The following SPTAN1 variants were observed in gnomAD, a reference collection of about 807,000 sequenced individuals.
The protein encoded by SPTAN1 is spectrin alpha chain, non-erythrocytic 1.
Under a neutral mutation model 331.3 loss-of-function variants are expected in SPTAN1, and 61 were observed. That is an observed-to-expected ratio of 0.18 (90% CI 0.15 to 0.23). The LOEUF is 0.23. SPTAN1 is among the 10% of genes least tolerant of loss of function. The probability of loss-of-function intolerance (pLI) is 1.00; values close to 1 mark genes in which losing one functional copy is unlikely to be tolerated. For missense variants in SPTAN1, 2,043 were observed against 3,147.9 expected (o/e 0.65, Z 8.40); for synonymous variants, 1,153 against 1,173.9 (o/e 0.98, Z 0.36).
At chr9:128,594,476 G>A (rs1363398192) in intron 24 of SPTAN1, 103 bp downstream of exon 24, 5 of 1,134,142 alleles carry the variant, frequency 4.4e-6, no homozygotes, top group Middle Eastern at 3.0e-4. Flanking sequence ...TGTCATCCAA[G>A]CTGGAGTGCA....
At chr9:128,555,810 C>T (rs951932943) in intron 1 of SPTAN1, among the ~76,000 whole-genome samples, 8 of 152,054 alleles carry the variant, frequency 5.3e-5, no homozygotes, top group African/African-American at 1.9e-4. Flanking sequence ...TCTGAAAATA[C>T]ATAGTAAAAA....
intron 3 of SPTAN1, among the ~76,000 whole-genome samples, chr9:128,573,362 T>A (rs372827106): frequency 6.6e-6 from 1 of 152,252 alleles, no homozygotes; most frequent in Admixed American, 6.5e-5. Context: ...TCACTTGAGA[T>A]GTACCACAAA....
Position 128,627,684 on chromosome 9 carries a change from C to T in SPTAN1, c.6689+186C>T. On this transcript the variant is annotated intron_variant, in intron 50 of 56. Transcript: ENST00000372739. The surrounding 1 kb of genome is among the most constrained non-coding windows in gnomAD (Gnocchi z 4.9). The stretch of plus-strand genomic sequence containing the variant: ...AGTGGGGGCATAGGTGGAGCAGCCT[C>T]TCAGTGCTGCATGTCCCAGACATCA... The T allele has an allele frequency of 1.3e-6, 1 of 780,100 alleles. No individual in the cohort carries two copies. Among genetic ancestry groups the T allele is most frequent in the Non-Finnish European group, 2.2e-6 (1 of 449,022 alleles). 48.3% of individuals were successfully genotyped at this position (780,100 alleles called of 1,614,324 possible).
rs1320924027 is a variant in SPTAN1 at position 128,625,284 on chromosome 9, A to T, written c.6069+105A>T. 7.6e-6 allele frequency: 9 copies of T among 1,184,216 alleles called. No individual in the cohort carries two copies. The highest frequency in any genetic ancestry group is 1.1e-5 in the Non-Finnish European group (9 of 807,868). The allele number at this position is 1,184,216 out of a possible 1,614,324, so 73.4% of individuals were successfully genotyped here. A position where few individuals can be genotyped will look rare whatever the true frequency, so the allele number is the denominator to read the frequency against. On this transcript the variant is annotated intron_variant, in intron 47 of 56. Transcript: ENST00000372739. This position sits in a 1 kb window ranked among gnomAD's most constrained non-coding sequence, Gnocchi z 4.1. ...ATTTATCTTCTGTTAGCCCCTGGGG[A>T]TCAGCAGGAAAAAGATCCTGTCCTG...
In SPTAN1 at chr9:128,573,194, G is replaced by A. The variant is rs188273512; in HGVS notation, c.364-1481G>A. Among the ~76,000 whole-genome samples, 14 of 152,308 alleles carry A rather than the reference G, an allele frequency of 9.2e-5. No homozygotes were observed. In the East Asian group the frequency reaches 1.9e-3, roughly 21 times the overall value. ...ATAATCAAGGCATTGAGGTTGGATTGGAATACCAGAATGCATCATCTAAGC... is the reference window on the plus strand; with the variant it reads ...ATAATCAAGGCATTGAGGTTGGATTAGAATACCAGAATGCATCATCTAAGC... On this transcript the variant is annotated intron_variant, in intron 3 of 56. Coordinates refer to ENST00000372739, the MANE Select transcript of SPTAN1 (RefSeq NM_001130438.3).
rs774089510 is a variant in SPTAN1 at position 128,594,343 on chromosome 9, G to A, written c.3384G>A (p.Val1128=). 3.4e-5 allele frequency: 55 copies of A among 1,613,670 alleles called. No individual in the cohort carries two copies. The East Asian group carries it at 1.2e-3, about 35-fold the overall frequency. Residue 1128 remains valine (V), a synonymous_variant, in exon 24 of 57, where the codon GTG becomes GTA. Coordinates refer to ENST00000372739, the MANE Select transcript of SPTAN1 (RefSeq NM_001130438.3). Reference sequence around the variant, plus strand: ...GAGCAGACTTGGAGCAGGTTGAGGTGCTCCAGAAGAAGTTTGATGACTTCC... The same window carrying A: ...GAGCAGACTTGGAGCAGGTTGAGGTACTCCAGAAGAAGTTTGATGACTTCC... ...EVGADLEQVE[V]LQKKFDDFQK... is the part of the protein sequence containing the mutation.
Position 128,627,186 on chromosome 9 carries a change from TC to T in SPTAN1, c.6577-198del, listed in dbSNP as rs1459923525. 1.5e-6 allele frequency: 1 copy of T among 648,734 alleles called. No homozygotes were observed. Among genetic ancestry groups the T allele is most frequent in the Admixed American group, 2.1e-5 (1 of 46,796 alleles). 40.2% of individuals were successfully genotyped at this position (648,734 alleles called of 1,614,324 possible). On this transcript the variant is annotated intron_variant, in intron 49 of 56. Transcript: ENST00000372739. The surrounding 1 kb of genome is among the most constrained non-coding windows in gnomAD (Gnocchi z 4.9). ...GTCGCTTCCCTCCAGGTCCGCCTCT[TC>T]CTTGAAGCCCCTGGGGGGTGGGAAC...
Position 128,630,354 on chromosome 9 carries a change from A to G in SPTAN1, c.6741A>G (p.Glu2247=). Residue 2247 remains glutamate (E), a synonymous_variant, in exon 52 of 57, where the codon GAA becomes GAG. Coordinates refer to ENST00000372739, the MANE Select transcript of SPTAN1 (RefSeq NM_001130438.3). Reference sequence around the variant, plus strand: ...TGGTGGAAGAGTCGGGGACCCTCGAATCCCAGCTTGAAGCTACCAAAGTAA... The same window carrying G: ...TGGTGGAAGAGTCGGGGACCCTCGAGTCCCAGCTTGAAGCTACCAAAGTAA... ...SCMVEESGTL[E]SQLEATKRKH... The G allele has an allele frequency of 6.2e-7, 1 of 1,612,528 alleles. No homozygotes were observed. The highest frequency in any genetic ancestry group is 8.5e-7 in the Non-Finnish European group (1 of 1,179,976).
intron 6 of SPTAN1, 31 bp downstream of exon 6, chr9:128,576,987 G>A (rs1428966339): frequency 6.2e-7 from 1 of 1,614,030 alleles, no homozygotes; most frequent in Admixed American, 1.7e-5. Context: ...TTGGGGAATG[G>A]GTCTCAACCT....
chr9:128,613,197 GGA>G (rs1390828160), intron 39 of SPTAN1, among the ~76,000 whole-genome samples, 182 bp from the exon 40 acceptor site: 1 of 152,186 alleles, frequency 6.6e-6, no homozygotes, highest in Non-Finnish European at 1.5e-5. Context: ...CTGACCGAGT[GGA>G]GAGAGTGTCT....
intron 2 of SPTAN1, 55 bp from the exon 3 acceptor site, chr9:128,568,717 A>G (rs1237174989): frequency 8.7e-6 from 14 of 1,610,820 alleles, no homozygotes; most frequent in Non-Finnish European, 1.2e-5. Context: ...CAGCGGGGAC[A>G]AAATGCTGAT....
rs536079066 is a variant in SPTAN1, at chr9:128,632,089, G to A, written c.6763-38G>A. 14 of 1,605,284 alleles carry A rather than the reference G, an allele frequency of 8.7e-6. No homozygotes were observed. In the South Asian group the frequency reaches 1.6e-4, roughly 18 times the overall value. Reference sequence around the variant, plus strand: ...CTCCTGGGCTGGTGACTGAGCTGAGGGCCCCCGTCTGAGCATCTGTGCTCC... The same window carrying A: ...CTCCTGGGCTGGTGACTGAGCTGAGAGCCCCCGTCTGAGCATCTGTGCTCC... On this transcript the variant is annotated intron_variant, in intron 52 of 56. Coordinates refer to ENST00000372739, the MANE Select transcript of SPTAN1 (RefSeq NM_001130438.3).
intron 10 of SPTAN1, 128 bp downstream of exon 10, chr9:128,579,866 C>T (rs1851730711): frequency 1.2e-6 from 1 of 807,302 alleles, no homozygotes. Flanking sequence ...TTTCCTTTCT[C>T]TGCAGAGGTT....
chr9:128,580,497 T>C (rs1464702683), intron 10 of SPTAN1, among the ~76,000 whole-genome samples: 1 of 152,214 alleles, frequency 6.6e-6, no homozygotes, highest in South Asian at 2.1e-4. Context: ...TTGTCATTAG[T>C]AGCTTCGGAG....
At position 128,607,858 on chromosome 9, in the gene SPTAN1, C is replaced by T. The variant is rs770189298; in HGVS notation, c.4153C>T (p.Arg1385Trp). 14 of 1,613,784 alleles carry T rather than the reference C, an allele frequency of 8.7e-6. No individual in the cohort carries two copies. The South Asian group carries it at 8.8e-5, about 10-fold the overall frequency. Residue 1385 changes from arginine to tryptophan, a missense_variant, in exon 33 of 57, where the codon CGG becomes TGG. Physicochemically the swap from Arg to Trp is moderately radical, Grantham distance 101. Transcript: ENST00000372739. ...CCTTCCCTCCTTTTGGCAGGAACAC[C>T]GGACAGAAATCGATGCCAGGGCTGG... Reference protein sequence around the residue: ...EALLERHQEHRTEIDARAGTF... With the variant: ...EALLERHQEHWTEIDARAGTF...
At chr9:128,578,310 T>G in intron 9 of SPTAN1, 65 bp downstream of exon 9, 2 of 1,598,944 alleles carry the variant, frequency 1.3e-6, no homozygotes, top group Non-Finnish European at 1.7e-6. Context: ...AGTTTATCAG[T>G]GTTGGGTGAG....
intron 44 of SPTAN1, 86 bp downstream of exon 44, chr9:128,619,089 C>A: frequency 6.3e-7 from 1 of 1,589,016 alleles, no homozygotes; most frequent in East Asian, 2.2e-5. Context: ...TGTTAGAGGG[C>A]CCTGCTCTTA....
intron 22 of SPTAN1, among the ~76,000 whole-genome samples, 194 bp downstream of exon 22, chr9:128,591,819 G>GT (rs1275770371): frequency 6.6e-6 from 1 of 151,878 alleles, no homozygotes; most frequent in East Asian, 1.9e-4. Context: ...ATATTGCTTT[G>GT]TTTTTTTTCC....
At chr9:128,583,744 G>A in intron 15 of SPTAN1, 44 bp from the exon 16 acceptor site, 1 of 1,597,862 alleles carries the variant, frequency 6.3e-7, no homozygotes, top group South Asian at 1.1e-5. Flanking sequence ...TTGGCAGAAG[G>A]GTAATGCTAA....
Sources: gnomAD v4.1 joint callset for allele counts (sites outside exome capture counted in the v4.1 genomes callset) on GRCh38, gnomAD v4.1.1 for gene constraint, Gnocchi (gnomAD v3.1) non-coding constraint, MANE v1.5 for transcripts, NCBI Gene and HGNC (gene_info 2026-07-23, HGNC 2026-07-21) for gene names.